Variants in IGSF21 observed in about 807,000 individuals in gnomAD.
The protein encoded by IGSF21 is immunoglobin superfamily member 21.
A neutral mutation model predicts 46.8 loss-of-function variants in IGSF21; 28 were observed. The observed-to-expected ratio is 0.60, with a 90% CI of 0.44 to 0.82. IGSF21 has a LOEUF of 0.82. Ranked by LOEUF, IGSF21 falls within the 40% of genes least tolerant of loss-of-function variation. The probability of loss-of-function intolerance (pLI) is 0.00; values close to 1 mark genes in which losing one functional copy is unlikely to be tolerated. For synonymous variants in IGSF21, 284 were observed against 273.6 expected, an observed-to-expected ratio of 1.04 and a Z score of -0.38; for missense variants, 624 against 665.5, an observed-to-expected ratio of 0.94 and a Z score of 0.69.
chr1:18,276,341 A>G (rs1025329947), intron 2 of IGSF21, among the ~76,000 whole-genome samples: 15 of 152,178 alleles, frequency 9.9e-5, no homozygotes, highest in African/African-American at 3.6e-4. Context: ...AGGCTGGCTC[A>G]GCAAGGTCCC....
chr1:18,301,905 G>A (rs187953758), intron 3 of IGSF21, among the ~76,000 whole-genome samples: 10 of 152,314 alleles, frequency 6.6e-5, no homozygotes, highest in Middle Eastern at 3.4e-3. Context: ...GACCTGGGAA[G>A]CCAGTGCCCT....
chr1:18,193,431 T>C (rs2086977235), intron 1 of IGSF21, among the ~76,000 whole-genome samples: 1 of 152,070 alleles, frequency 6.6e-6, no homozygotes, highest in African/African-American at 2.4e-5. Flanking sequence ...AAGCATTAAC[T>C]CACACGATCA....
chr1:18,310,987 C>G (rs1460699277), intron 3 of IGSF21, among the ~76,000 whole-genome samples: 1 of 152,174 alleles, frequency 6.6e-6, no homozygotes, highest in Admixed American at 6.5e-5. Context: ...CCAACTCCAG[C>G]CTGACTTTAT....
intron 4 of IGSF21, among the ~76,000 whole-genome samples, chr1:18,336,731 C>G (rs2085770702): frequency 6.6e-6 from 1 of 152,200 alleles, no homozygotes. Flanking sequence ...CTCAATTTCC[C>G]CCATCTGTAC....
intron 1 of IGSF21, among the ~76,000 whole-genome samples, chr1:18,129,632 T>G (rs1289604817): frequency 6.6e-6 from 1 of 152,172 alleles, no homozygotes; most frequent in Non-Finnish European, 1.5e-5. Flanking sequence ...GGAGCCATCA[T>G]GGAAAGCAGC....
At chr1:18,131,529 A>G (rs1191266003) in intron 1 of IGSF21, among the ~76,000 whole-genome samples, 3 of 152,244 alleles carry the variant, frequency 2.0e-5, no homozygotes, top group Non-Finnish European at 2.9e-5. Flanking sequence ...CTCTTTGTTC[A>G]CTTACAGAAA....
At position 18,322,627 on chromosome 1, in the gene IGSF21, C is replaced by T. The variant is rs1048458841; in HGVS notation, c.306-12265C>T. ...ACACGGAGTCTTTTTCTGAAGAGCA[C>T]GTGCCCCACGCCCCCTGCCTGCCAG... On this transcript the variant is annotated intron_variant, in intron 3 of 9. Coordinates refer to ENST00000251296, the MANE Select transcript of IGSF21 (RefSeq NM_032880.5). The surrounding 1 kb of genome is among the most constrained non-coding windows in gnomAD (Gnocchi z 4.3). Among the ~76,000 whole-genome samples, 5 of 152,142 alleles carry T rather than the reference C, an allele frequency of 3.3e-5. No homozygotes were observed. Among genetic ancestry groups the T allele is most frequent in the Non-Finnish European group, 7.3e-5 (5 of 68,036 alleles).
At chr1:18,308,333 C>T (rs1245407277) in intron 3 of IGSF21, among the ~76,000 whole-genome samples, 3 of 152,192 alleles carry the variant, frequency 2.0e-5, no homozygotes, top group Non-Finnish European at 4.4e-5. Context: ...CTTGAGACAT[C>T]ACTGGACATC....
At chr1:18,298,021 A>G (rs1033310510) in intron 3 of IGSF21, among the ~76,000 whole-genome samples, 1 of 152,184 alleles carries the variant, frequency 6.6e-6, no homozygotes, top group South Asian at 2.1e-4. Context: ...ATAAGAAGCC[A>G]GCCAGGCAAG....
chr1:18,314,571 C>T (rs971417602), intron 3 of IGSF21, among the ~76,000 whole-genome samples: 5 of 152,184 alleles, frequency 3.3e-5, no homozygotes, highest in African/African-American at 1.2e-4. Context: ...CAAGGAGCGC[C>T]CTCTCATGAT....
chr1:18,301,079 A>G (rs1205248725), intron 3 of IGSF21, among the ~76,000 whole-genome samples: 2 of 152,176 alleles, frequency 1.3e-5, no homozygotes, highest in African/African-American at 2.4e-5. Flanking sequence ...CTCTTTCCCA[A>G]CCCATCATCT....
At chr1:18,153,159 C>A (rs780107995) in intron 1 of IGSF21, among the ~76,000 whole-genome samples, 1 of 152,156 alleles carries the variant, frequency 6.6e-6, no homozygotes, top group Non-Finnish European at 1.5e-5. Context: ...TTGCTCCCAG[C>A]CGCTCTGCTG....
chr1:18,269,787 G>C (rs896575714), intron 2 of IGSF21, among the ~76,000 whole-genome samples: 3 of 152,050 alleles, frequency 2.0e-5, no homozygotes, highest in African/African-American at 4.8e-5. Flanking sequence ...TTCCCCGCAG[G>C]GCCCCTTGAG....
intron 1 of IGSF21, among the ~76,000 whole-genome samples, chr1:18,189,571 T>A (rs555201864): frequency 5.3e-5 from 8 of 151,998 alleles, no homozygotes; most frequent in African/African-American, 7.2e-5. Flanking sequence ...TGAGCTTGAT[T>A]TCCTGCAACT....
rs75885406 is a variant in IGSF21 at position 18,187,799 on chromosome 1, G to A, written c.71-40099G>A. Among the ~76,000 whole-genome samples, 1,398 of 152,198 alleles carry A rather than the reference G, an allele frequency of 9.2e-3. 19 individuals carry two copies. The highest frequency in any genetic ancestry group is 0.032 in the African/African-American group (1,328 of 41,516). ...ATATGAATTTTTTCTGGGGGGGTGGGGGAGACATAAACATTGAGTACGTAA... is the reference window on the plus strand; with the variant it reads ...ATATGAATTTTTTCTGGGGGGGTGGAGGAGACATAAACATTGAGTACGTAA... On this transcript the variant is annotated intron_variant, in intron 1 of 9. Coordinates refer to ENST00000251296, the MANE Select transcript of IGSF21 (RefSeq NM_032880.5).
intron 1 of IGSF21, among the ~76,000 whole-genome samples, chr1:18,194,224 C>T (rs995570098): frequency 6.6e-6 from 1 of 152,122 alleles, no homozygotes; most frequent in Non-Finnish European, 1.5e-5. Context: ...GAAAGGAGAC[C>T]CTCCTACTGA....
intron 1 of IGSF21, among the ~76,000 whole-genome samples, chr1:18,132,193 ATGG>A (rs1376761052): frequency 2.3e-4 from 35 of 152,106 alleles, no homozygotes; most frequent in Non-Finnish European, 2.8e-4. Context: ...GGATGGATGG[ATGG>A]ATGGATGGAA....
At chr1:18,274,051 G>C (rs1272416556) in intron 2 of IGSF21, among the ~76,000 whole-genome samples, 1 of 152,190 alleles carries the variant, frequency 6.6e-6, no homozygotes, top group Non-Finnish European at 1.5e-5. Flanking sequence ...ACATGGTCCA[G>C]TTAGAAGAAA....
intron 6 of IGSF21, among the ~76,000 whole-genome samples, chr1:18,369,976 C>A (rs1259009035): frequency 2.6e-5 from 4 of 152,146 alleles, no homozygotes; most frequent in Admixed American, 6.5e-5. Flanking sequence ...AGAAGCCTTG[C>A]AGACCCCTCA....
Sources: allele counts gnomAD v4.1 joint callset (sites outside exome capture counted in the v4.1 genomes callset), GRCh38; gene constraint gnomAD v4.1.1; non-coding constraint Gnocchi (gnomAD v3.1); transcripts MANE v1.5; gene names NCBI Gene and HGNC (gene_info 2026-07-23, HGNC 2026-07-21).